NLGN4X: variants seen among roughly 807,000 people sequenced by gnomAD.
The protein encoded by NLGN4X is neuroligin 4 X-linked, also known as neuroligin-4, X-linked.
In NLGN4X, 3 loss-of-function variants were observed where a neutral mutation model predicts 40.3. The observed-to-expected ratio is 0.07, with a 90% CI of 0.03 to 0.19. The LOEUF (loss-of-function observed/expected upper bound fraction) is 0.19. NLGN4X is among the 10% of genes least tolerant of loss of function. The probability of loss-of-function intolerance (pLI) is 1.00; values close to 1 mark genes in which losing one functional copy is unlikely to be tolerated. For synonymous variants in NLGN4X, 270 were observed against 306.8 expected (o/e 0.88, Z 1.25); for missense variants, 382 against 708.3 (o/e 0.54, Z 5.23).
At chrX:6,043,338 T>C (rs1025543915) in intron 2 of NLGN4X, among the ~76,000 whole-genome samples, 1 of 111,193 alleles carries the variant, frequency 9.0e-6, no homozygotes, top group Non-Finnish European at 1.9e-5. Context: ...TATGTGTGTA[T>C]ATATACATAC....
At chrX:5,970,370 T>A (rs1211695630) in intron 3 of NLGN4X, among the ~76,000 whole-genome samples, 1 of 111,371 alleles carries the variant, frequency 9.0e-6, no homozygotes. Flanking sequence ...AGGAATTTAT[T>A]CCCTGCAGGA....
At chrX:6,074,227 A>C (rs2038136870) in intron 2 of NLGN4X, among the ~76,000 whole-genome samples, 1 of 111,088 alleles carries the variant, frequency 9.0e-6, no homozygotes, top group Non-Finnish European at 1.9e-5. Context: ...TATCCACGGG[A>C]ATTGGGTATT....
chrX:6,218,325 CT>C (rs1925273008), intron 1 of NLGN4X, among the ~76,000 whole-genome samples: 1 of 111,904 alleles, frequency 8.9e-6, no homozygotes, highest in Admixed American at 9.5e-5. Context: ...TATAATTACC[CT>C]CTGAGAATTC....
At chrX:5,950,502 T>C (rs1472867387) in intron 3 of NLGN4X, among the ~76,000 whole-genome samples, 2 of 112,198 alleles carry the variant, frequency 1.8e-5, no homozygotes, top group African/African-American at 6.5e-5. Context: ...GGAGGAAATT[T>C]GTGGCTCTTA....
chrX:6,125,404 G>A (rs2039518560), intron 2 of NLGN4X, among the ~76,000 whole-genome samples: 1 of 70,114 alleles, frequency 1.4e-5, no homozygotes, highest in East Asian at 4.4e-4. Context: ...GACCAAGGAA[G>A]AGTAACATAT....
At chrX:6,055,911 T>C (rs1470420258) in intron 2 of NLGN4X, among the ~76,000 whole-genome samples, 1 of 111,870 alleles carries the variant, frequency 8.9e-6, no homozygotes, top group African/African-American at 3.2e-5. Context: ...GATTTGATAG[T>C]CCAAGATGTT....
intron 4 of NLGN4X, among the ~76,000 whole-genome samples, chrX:5,904,943 C>G (rs1237057374): frequency 9.0e-6 from 1 of 111,001 alleles, no homozygotes; most frequent in Non-Finnish European, 1.9e-5. Context: ...AGATGACACA[C>G]AGGACCGCAA....
chrX:6,112,225 GATCAACGGA>G (rs993585022), intron 2 of NLGN4X, among the ~76,000 whole-genome samples: 1 of 111,236 alleles, frequency 9.0e-6, no homozygotes, highest in Non-Finnish European at 1.9e-5. Context: ...CTAGTGACGG[GATCAACGGA>G]AGCCTGAACC....
intron 3 of NLGN4X, among the ~76,000 whole-genome samples, chrX:6,000,478 C>T (rs1296174297): frequency 9.0e-6 from 1 of 111,358 alleles, no homozygotes; most frequent in Non-Finnish European, 1.9e-5. Context: ...TGGTCAGCAG[C>T]TGACCTGGTA....
chrX:5,947,899 T>A (rs2034182152), intron 3 of NLGN4X, among the ~76,000 whole-genome samples: 1 of 112,159 alleles, frequency 8.9e-6, no homozygotes, highest in African/African-American at 3.2e-5. Flanking sequence ...ATCCTTAAAA[T>A]GCAGGCATTT....
intron 2 of NLGN4X, among the ~76,000 whole-genome samples, chrX:6,135,737 T>C (rs926622189): frequency 3.6e-5 from 4 of 111,421 alleles, no homozygotes; most frequent in Non-Finnish European, 3.8e-5. Context: ...AAGGATGACA[T>C]ACTAGGAAAT....
At chrX:6,075,505 T>C (rs2038173549) in intron 2 of NLGN4X, among the ~76,000 whole-genome samples, 1 of 111,746 alleles carries the variant, frequency 8.9e-6, no homozygotes, top group Non-Finnish European at 1.9e-5. Flanking sequence ...AGTGCTATAG[T>C]TTGGATGTTT....
intron 1 of NLGN4X, among the ~76,000 whole-genome samples, chrX:6,199,797 T>A (rs1235521362): frequency 2.7e-5 from 3 of 112,258 alleles, no homozygotes; most frequent in Non-Finnish European, 5.6e-5. Context: ...TGAGGAAGTT[T>A]TTTTAAAGAT....
chrX:6,141,460 A>G (rs758392665), intron 2 of NLGN4X, among the ~76,000 whole-genome samples: 2 of 111,984 alleles, frequency 1.8e-5, no homozygotes, highest in Non-Finnish European at 3.8e-5. Context: ...TTATAAAACA[A>G]ATTCATAGGA....
At chrX:6,089,240 G>A (rs1474498420) in intron 2 of NLGN4X, among the ~76,000 whole-genome samples, 5 of 112,121 alleles carry the variant, frequency 4.5e-5, no homozygotes, top group East Asian at 5.6e-4. Flanking sequence ...AGCTGAAAAT[G>A]AGTAAATGTT....
intron 2 of NLGN4X, among the ~76,000 whole-genome samples, chrX:6,046,119 AT>A (rs1472435905): frequency 8.9e-6 from 1 of 112,210 alleles, no homozygotes; most frequent in African/African-American, 3.2e-5. Flanking sequence ...TGTACAGCAC[AT>A]GTTACATAAA....
intron 1 of NLGN4X, among the ~76,000 whole-genome samples, chrX:6,188,971 G>A (rs1261610948): frequency 1.8e-5 from 2 of 112,401 alleles, no homozygotes; most frequent in African/African-American, 3.2e-5. Flanking sequence ...TGAAATTTTC[G>A]AGTATTAAAT....
Position 6,025,070 on chromosome X carries a change from T to C in NLGN4X, c.625+4210A>G, listed in dbSNP as rs1172489069. Among the ~76,000 whole-genome samples, 7 of 111,766 alleles carry C rather than the reference T, an allele frequency of 6.3e-5. No homozygotes were observed. In the South Asian group the frequency reaches 1.9e-3, roughly 30 times the overall value. On this transcript the variant is annotated intron_variant, in intron 3 of 5. Transcript: ENST00000381095. ...ACACCTTCCTAGTGACAAGGGTGTATAGCAGAACACATAGGAAATCTGTTT... is the reference window on the plus strand; with the variant it reads ...ACACCTTCCTAGTGACAAGGGTGTACAGCAGAACACATAGGAAATCTGTTT...
intron 2 of NLGN4X, among the ~76,000 whole-genome samples, chrX:6,082,948 G>GTTTTTTTTTTTTTTTTTTT (rs930625574): frequency 1.4e-5 from 1 of 70,358 alleles, no homozygotes; most frequent in African/African-American, 4.8e-5. Context: ...GCCATGATGC[G>GTTTTTTTTTTTTTTTTTTT]TTTTTTTCTT....
Sources: gnomAD v4.1 joint callset for allele counts (sites outside exome capture counted in the v4.1 genomes callset) on GRCh38, gnomAD v4.1.1 for gene constraint, MANE v1.5 for transcripts, NCBI Gene and HGNC (gene_info 2026-07-23, HGNC 2026-07-21) for gene names.